Variants in NKD1 observed in about 807,000 individuals in gnomAD.
NKD1 encodes protein naked cuticle homolog 1.
In NKD1, 21 loss-of-function variants were observed where a neutral mutation model predicts 56.0. The ratio of observed to expected loss-of-function variants is 0.38; its 90% CI spans 0.27 to 0.54. The LOEUF is 0.54. Ranked by LOEUF, NKD1 falls within the 20% of genes least tolerant of loss-of-function variation. The pLI is 0.82. For synonymous variants in NKD1, 263 were observed against 265.7 expected, an observed-to-expected ratio of 0.99 and a Z score of 0.10; for missense variants, 578 against 642.7, an observed-to-expected ratio of 0.90 and a Z score of 1.09.
rs1961512628 is a variant in NKD1 at position 50,598,111 on chromosome 16, A to G, written c.193-10183A>G. 1.3e-5 allele frequency among the ~76,000 whole-genome samples: 2 copies of G among 151,942 alleles called. No individual in the cohort carries two copies. Among genetic ancestry groups the G allele is most frequent in the Non-Finnish European group, 2.9e-5 (2 of 67,968 alleles). ...TTAGAGCTATTTTGGGGACAAGGGG[A>G]CAGAAGGGGCCAGGAGATGAGAGTG... is the stretch of plus-strand genomic sequence containing the variant. On this transcript the variant is annotated intron_variant, in intron 3 of 9. Transcript: ENST00000268459. The surrounding 1 kb of genome is among the most constrained non-coding windows in gnomAD (Gnocchi z 4.2).
At chr16:50,617,057 G>A (rs1167579999) in intron 4 of NKD1, among the ~76,000 whole-genome samples, 3 of 152,158 alleles carry the variant, frequency 2.0e-5, no homozygotes, top group African/African-American at 4.8e-5. Flanking sequence ...TTTGGGTGGC[G>A]CCAGCTGTCA....
intron 3 of NKD1, among the ~76,000 whole-genome samples, chr16:50,593,374 G>A (rs751471567): frequency 2.6e-5 from 4 of 152,184 alleles, no homozygotes; most frequent in Non-Finnish European, 4.4e-5. Flanking sequence ...ATGATGTCAG[G>A]ACCCCTTTTG....
Position 50,638,159 on chromosome 16 carries a change from G to T in NKD1, c.*4378G>T, listed in dbSNP as rs1343778460. The T allele has an allele frequency of 6.6e-6, 1 of 152,172 alleles. No homozygotes were observed. The highest frequency in any genetic ancestry group is 2.4e-5 in the African/African-American group (1 of 41,422). 9.4% of individuals were successfully genotyped at this position (152,172 alleles called of 1,614,324 possible). ...AGGAGGGGAAGTCTGCCTGCATCTT[G>T]GTGTGTCTGTCAGATGCCAGCACTA... On this transcript the variant is annotated 3_prime_UTR_variant, in exon 10 of 10. Transcript: ENST00000268459.
intron 3 of NKD1, chr16:50,562,325 T>C (rs1388063031): frequency 2.1e-5 from 20 of 958,786 alleles, no homozygotes; most frequent in Non-Finnish European, 2.2e-5. Flanking sequence ...TGCAGGTGCA[T>C]AGAGAAAGAT....
intron 3 of NKD1, among the ~76,000 whole-genome samples, chr16:50,564,421 A>G (rs982872128): frequency 2.0e-5 from 3 of 152,224 alleles, no homozygotes; most frequent in Non-Finnish European, 2.9e-5. Flanking sequence ...GGATTTACCC[A>G]GGGCTTTATG....
At chr16:50,575,400 C>T (rs573075003) in intron 3 of NKD1, 13 of 953,706 alleles carry the variant, frequency 1.4e-5, no homozygotes, top group African/African-American at 7.1e-5. Flanking sequence ...ATTGTATTTT[C>T]GGGGAGAAAG....
chr16:50,586,479 C>T (rs1429195008), intron 3 of NKD1, among the ~76,000 whole-genome samples: 2 of 152,100 alleles, frequency 1.3e-5, no homozygotes, highest in South Asian at 2.1e-4. Flanking sequence ...AGCCACGTGT[C>T]TGCAGTCTAG....
chr16:50,564,034 T>A lies in NKD1; in HGVS notation c.192+14479T>A, dbSNP rs532820242. Among the ~76,000 whole-genome samples, 9 of 152,166 alleles carry A rather than the reference T, an allele frequency of 5.9e-5. No individual in the cohort carries two copies. The South Asian group carries it at 1.9e-3, about 32-fold the overall frequency. On this transcript the variant is annotated intron_variant, in intron 3 of 9. Coordinates refer to ENST00000268459, the MANE Select transcript of NKD1 (RefSeq NM_033119.5). ...AGTGGGCAGGGAGGCGTCAAAGGAG[T>A]GCAAAGGAGTGATTCACAGCAGGTG...
chr16:50,608,663 A>G (rs1016568807), intron 4 of NKD1, among the ~76,000 whole-genome samples: 1 of 152,174 alleles, frequency 6.6e-6, no homozygotes, highest in Non-Finnish European at 1.5e-5. Flanking sequence ...CTCTGGGGAT[A>G]ATAAGAGTAG....
At chr16:50,605,012 T>A (rs1961675071) in intron 3 of NKD1, among the ~76,000 whole-genome samples, 1 of 152,242 alleles carries the variant, frequency 6.6e-6, no homozygotes, top group Non-Finnish European at 1.5e-5. Flanking sequence ...GTGCCAGGAC[T>A]CCTGACCACC....
intron 3 of NKD1, among the ~76,000 whole-genome samples, chr16:50,576,411 G>A (rs1406773614): frequency 2.0e-5 from 3 of 152,162 alleles, no homozygotes; most frequent in Non-Finnish European, 2.9e-5. Context: ...GATAATGAAT[G>A]ACTCATAAGA....
intron 4 of NKD1, chr16:50,616,177 T>C: frequency 4.7e-6 from 2 of 428,542 alleles, no homozygotes; most frequent in Non-Finnish European, 9.7e-6. Flanking sequence ...GCATCCAGAC[T>C]CTAGCAAGGA....
chr16:50,573,835 G>A, intron 3 of NKD1: 1 of 985,390 alleles, frequency 1.0e-6, no homozygotes, highest in Non-Finnish European at 1.2e-6. Context: ...GGTTGGGCTG[G>A]CCTCAGCCAC....
At chr16:50,570,975 A>G (rs1292196554) in intron 3 of NKD1, 5 of 985,302 alleles carry the variant, frequency 5.1e-6, no homozygotes, top group Non-Finnish European at 4.8e-6. Context: ...GGCTGGTGGT[A>G]TCCTTCACTG....
intron 4 of NKD1, among the ~76,000 whole-genome samples, chr16:50,619,666 A>C (rs1265836089): frequency 6.6e-6 from 1 of 152,208 alleles, no homozygotes; most frequent in Non-Finnish European, 1.5e-5. Flanking sequence ...GACCTAGTGC[A>C]CTGGGGGTCT....
chr16:50,608,734 C>G (rs1407667060), intron 4 of NKD1, among the ~76,000 whole-genome samples: 1 of 152,208 alleles, frequency 6.6e-6, no homozygotes, highest in Non-Finnish European at 1.5e-5. Context: ...AAGCATTACA[C>G]ACAGTGCCTA....
chr16:50,631,263 G>A (rs948081315), intron 8 of NKD1, among the ~76,000 whole-genome samples: 2 of 152,012 alleles, frequency 1.3e-5, no homozygotes, highest in African/African-American at 4.8e-5. Context: ...ATCCCTTTAG[G>A]GTGGGCCTGG....
At chr16:50,562,423 AC>A (rs933132212) in intron 3 of NKD1, 4 of 246,846 alleles carry the variant, frequency 1.6e-5, no homozygotes, top group East Asian at 3.6e-4. Flanking sequence ...GTTTGATTTT[AC>A]AAAAAATGAG....
intron 3 of NKD1, among the ~76,000 whole-genome samples, chr16:50,586,563 G>T (rs1343008531): frequency 6.6e-6 from 1 of 152,138 alleles, no homozygotes; most frequent in South Asian, 2.1e-4. Flanking sequence ...GACCACAGAG[G>T]TTTCCTAGTA....
Sources: gnomAD v4.1 joint callset for allele counts (sites outside exome capture counted in the v4.1 genomes callset) on GRCh38, gnomAD v4.1.1 for gene constraint, Gnocchi (gnomAD v3.1) non-coding constraint, MANE v1.5 for transcripts, NCBI Gene and HGNC (gene_info 2026-07-23, HGNC 2026-07-21) for gene names.